GMFG: variants seen among roughly 807,000 people sequenced by gnomAD.
The protein encoded by GMFG is glia maturation factor gamma.
A neutral mutation model predicts 26.1 loss-of-function variants in GMFG; 21 were observed. That is an observed-to-expected ratio of 0.80 (90% CI 0.57 to 1.16). The LOEUF (loss-of-function observed/expected upper bound fraction) is 1.16. GMFG is among the 50% of genes most tolerant of loss of function. GMFG has a pLI of 0.00. For synonymous variants in GMFG, 65 were observed against 60.8 expected (o/e 1.07, Z -0.32); for missense variants, 161 against 178.3 (o/e 0.90, Z 0.55).
intron 4 of GMFG, among the ~76,000 whole-genome samples, chr19:39,331,477 A>G (rs1028759970): frequency 6.6e-6 from 1 of 152,196 alleles, no homozygotes; most frequent in African/African-American, 2.4e-5. Context: ...CTCTAATCCT[A>G]GAGACCCAAA....
intron 4 of GMFG, 46 bp downstream of exon 4, chr19:39,333,031 C>A (rs748946918): frequency 3.9e-6 from 5 of 1,283,120 alleles, no homozygotes; most frequent in Admixed American, 1.7e-5. Flanking sequence ...TCCAACATCA[C>A]CCCTCCCCTC....
chr19:39,328,488 A>G lies in GMFG; in HGVS notation c.418T>C (p.Phe140Leu). 1 of 1,612,098 alleles carries G rather than the reference A, an allele frequency of 6.2e-7. No homozygotes were observed. Among genetic ancestry groups the G allele is most frequent in the Non-Finnish European group, 8.5e-7 (1 of 1,178,150 alleles). Residue 140 changes from phenylalanine (F) to leucine (L), a missense_variant, in exon 7 of 7, where the codon TTC (phenylalanine) becomes CTC (leucine). Transcript: ENST00000597595. ...CCCCAGCCCAGAGATCAACGAAAGA[A>G]AGACAACTTTTCTTGGAGCCAGGCC... ...TEAWLQEKLS[F>L]FR
intron 4 of GMFG, among the ~76,000 whole-genome samples, chr19:39,331,589 C>T (rs2075226522): frequency 6.6e-6 from 1 of 152,226 alleles, no homozygotes; most frequent in South Asian, 2.1e-4. Flanking sequence ...TGACTTCGCC[C>T]AGGATTCTAC....
At chr19:39,333,998 T>C (rs1051058496) in intron 3 of GMFG, among the ~76,000 whole-genome samples, 2 of 151,116 alleles carry the variant, frequency 1.3e-5, no homozygotes, top group Non-Finnish European at 2.9e-5. Flanking sequence ...CCCCTTTTTT[T>C]TTTTTGTAGA....
chr19:39,329,682 G>T, intron 4 of GMFG, 56 bp from the exon 5 acceptor site: 1 of 1,068,714 alleles, frequency 9.4e-7, no homozygotes, highest in Non-Finnish European at 1.5e-6. Flanking sequence ...AGGCTTAACA[G>T]CCATTACCTG....
intron 3 of GMFG, among the ~76,000 whole-genome samples, chr19:39,334,945 G>A (rs536926333): frequency 6.6e-6 from 1 of 152,196 alleles, no homozygotes; most frequent in Admixed American, 6.5e-5. Context: ...CATCTCCCGG[G>A]TTCCAGCGAT....
chr19:39,335,149 C>T (rs980734890), intron 3 of GMFG, 112 bp downstream of exon 3: 3 of 843,876 alleles, frequency 3.6e-6, no homozygotes, highest in Non-Finnish European at 1.9e-6. Context: ...CTGTGCTCGG[C>T]CAATCTCCAG....
rs770360059 is a variant in GMFG, at chr19:39,335,312, TGGGGAGG to T, written c.101-9_101-3del. 5.7e-5 allele frequency: 89 copies of T among 1,574,652 alleles called. 1 individual carries two copies. The Admixed American group carries it at 1.6e-3, about 27-fold the overall frequency. ...TCTGCCGGTCTTTGTCCACCTTCAC[TGGGGAGG>T]GGTGGCACACAGGGATTAGACACTC... On this transcript the variant is annotated splice_polypyrimidine_tract_variant and splice_region_variant and intron_variant, in intron 2 of 6. Coordinates refer to ENST00000597595, the MANE Select transcript of GMFG (RefSeq NM_004877.4).
intron 3 of GMFG, among the ~76,000 whole-genome samples, chr19:39,334,063 C>G (rs1394846379): frequency 7.6e-6 from 1 of 130,966 alleles, no homozygotes; most frequent in Admixed American, 9.0e-5. Context: ...GTCGCCCAGG[C>G]TGGAGTGCAG....
rs759883574 is a variant in GMFG, at chr19:39,329,651, C to T, written c.201-25G>A. 7.5e-6 allele frequency: 11 copies of T among 1,463,806 alleles called. No homozygotes were observed. In the Admixed American group the frequency reaches 1.8e-4, roughly 25 times the overall value. The allele number at this position is 1,463,806 out of a possible 1,614,324, so 90.7% of individuals were successfully genotyped here. A position where few individuals can be genotyped will look rare whatever the true frequency, so the allele number is the denominator to read the frequency against. The stretch of plus-strand genomic sequence containing the variant: ...CCTACCGTGAAAGGGAATTGAAAAT[C>T]AGGACTCTGGCCTGCAGCCCAGGCT... On this transcript the variant is annotated intron_variant, in intron 4 of 6. Coordinates refer to ENST00000597595, the MANE Select transcript of GMFG (RefSeq NM_004877.4).
intron 5 of GMFG, 55 bp downstream of exon 5, chr19:39,329,489 C>T (rs1038778798): frequency 2.2e-6 from 2 of 897,876 alleles, no homozygotes; most frequent in African/African-American, 3.3e-5. Flanking sequence ...TACACACAAA[C>T]ACACACACAC....
At chr19:39,329,407 C>T (rs2075217168) in intron 5 of GMFG, 137 bp downstream of exon 5, 1 of 670,254 alleles carries the variant, frequency 1.5e-6, no homozygotes, top group East Asian at 2.7e-5. Context: ...GACACACACA[C>T]ATCCTCACCC....
At position 39,328,568 on chromosome 19, in the gene GMFG, G is replaced by A. The variant is rs761458133; in HGVS notation, c.358-20C>T. The A allele has an allele frequency of 2.3e-5, 36 of 1,584,658 alleles. 1 individual carries two copies. Among genetic ancestry groups the A allele is most frequent in the South Asian group, 2.1e-4 (19 of 90,534 alleles). On this transcript the variant is annotated intron_variant, in intron 6 of 6. Coordinates refer to ENST00000597595, the MANE Select transcript of GMFG (RefSeq NM_004877.4). Reference sequence around the variant, plus strand: ...GAACACCTGGGCAGAGAGAGGTCTCGGCATTATGATCTACTCAAACACTGA... The same window carrying A: ...GAACACCTGGGCAGAGAGAGGTCTCAGCATTATGATCTACTCAAACACTGA...
At chr19:39,333,992 T>C (rs1352074789) in intron 3 of GMFG, among the ~76,000 whole-genome samples, 3 of 137,716 alleles carry the variant, frequency 2.2e-5, no homozygotes, top group South Asian at 2.3e-4. Flanking sequence ...GTCTACCCCC[T>C]TTTTTTTTTT....
chr19:39,329,481 CACACAA>C, intron 5 of GMFG, 57 bp downstream of exon 5: 1 of 956,176 alleles, frequency 1.0e-6, no homozygotes, highest in Admixed American at 1.8e-5. Flanking sequence ...TTCGCATTTA[CACACAA>C]ACACACACAC....
intron 3 of GMFG, among the ~76,000 whole-genome samples, chr19:39,333,896 A>C (rs1013869884): frequency 6.6e-6 from 1 of 151,872 alleles, no homozygotes; most frequent in African/African-American, 2.4e-5. Context: ...GGATTCCCTT[A>C]TAAATCCTTA....
At chr19:39,331,186 C>T (rs1186107256) in intron 4 of GMFG, among the ~76,000 whole-genome samples, 1 of 152,136 alleles carries the variant, frequency 6.6e-6, no homozygotes, top group African/African-American at 2.4e-5. Context: ...AGCAGGAAAC[C>T]CAAGGACAGC....
At chr19:39,335,860 C>T (rs2075247703) in intron 1 of GMFG, 114 bp downstream of exon 1, 3 of 773,614 alleles carry the variant, frequency 3.9e-6, no homozygotes, top group Non-Finnish European at 6.8e-6. Context: ...CACAGTTGGG[C>T]CCCCTTCCCG....
chr19:39,329,483 C>A, intron 5 of GMFG, 61 bp downstream of exon 5: 1 of 980,536 alleles, frequency 1.0e-6, no homozygotes, highest in Non-Finnish European at 1.6e-6. Context: ...CGCATTTACA[C>A]ACAAACACAC....
Sources: allele counts gnomAD v4.1 joint callset (sites outside exome capture counted in the v4.1 genomes callset), GRCh38; gene constraint gnomAD v4.1.1; transcripts MANE v1.5; gene names NCBI Gene and HGNC (gene_info 2026-07-23, HGNC 2026-07-21).